The following SETMAR variants were observed in gnomAD, a reference collection of about 807,000 sequenced individuals.
The protein encoded by SETMAR is SET and mariner transposase domain methyltransferase, also known as histone-lysine N-methyltransferase SETMAR.
In SETMAR, 44 loss-of-function variants were observed where a neutral mutation model predicts 58.4. The ratio of observed to expected loss-of-function variants is 0.75; its 90% CI spans 0.59 to 0.97. SETMAR has a LOEUF of 0.97. Ranked by LOEUF, SETMAR falls within the 50% of genes least tolerant of loss-of-function variation. The probability of loss-of-function intolerance (pLI) is 0.00; values close to 1 mark genes in which losing one functional copy is unlikely to be tolerated. For synonymous variants in SETMAR, 332 were observed against 307.4 expected (o/e 1.08, Z -0.84); for missense variants, 903 against 840.2 (o/e 1.07, Z -0.92).
intron 1 of SETMAR, among the ~76,000 whole-genome samples, chr3:4,308,158 C>G (rs1698264840): frequency 6.6e-6 from 1 of 152,216 alleles, no homozygotes; most frequent in African/African-American, 2.4e-5. Context: ...CAGCTCTTAG[C>G]TTTTCTCCAC....
intron 2 of SETMAR, among the ~76,000 whole-genome samples, chr3:4,314,899 G>T (rs965686912): frequency 6.6e-6 from 1 of 152,134 alleles, no homozygotes; most frequent in Admixed American, 6.5e-5. Context: ...AGGAGGCCCT[G>T]CACTTTCAAC....
At chr3:4,307,670 C>G (rs1462706213) in intron 1 of SETMAR, among the ~76,000 whole-genome samples, 1 of 152,146 alleles carries the variant, frequency 6.6e-6, no homozygotes, top group Non-Finnish European at 1.5e-5. Context: ...ATTCCTAGCT[C>G]TTGCATGAGT....
intron 1 of SETMAR, 77 bp downstream of exon 1, chr3:4,303,603 A>C (rs1331904403): frequency 3.4e-5 from 47 of 1,373,254 alleles, no homozygotes; most frequent in Non-Finnish European, 4.2e-5. Flanking sequence ...CCTCGCTGGG[A>C]CGGCCTCCCA....
intron 1 of SETMAR, among the ~76,000 whole-genome samples, chr3:4,307,922 G>A (rs1670448040): frequency 1.3e-5 from 2 of 152,154 alleles, no homozygotes; most frequent in South Asian, 4.2e-4. Flanking sequence ...GGTGGTGCAT[G>A]CCTGTAGTCC....
intron 1 of SETMAR, among the ~76,000 whole-genome samples, chr3:4,308,865 G>C (rs1289244211): frequency 3.3e-5 from 5 of 152,202 alleles, no homozygotes; most frequent in African/African-American, 1.2e-4. Flanking sequence ...TATTTGAAGA[G>C]ATTTATTCTG....
In SETMAR at chr3:4,303,499, C is replaced by T; in HGVS notation, c.129C>T (p.Pro43=). The change falls in exon 1 of 3, where the codon CCC becomes CCT. Residue 43 remains proline (P), a synonymous_variant. Coordinates refer to ENST00000358065, the MANE Select transcript of SETMAR (RefSeq NM_006515.4). ...AAAACTTGCCGGTGGGCGCGTGGCCCCCGGGGGCCGCGCCGGCGCCCTTCC... is the reference window on the plus strand; with the variant it reads ...AAAACTTGCCGGTGGGCGCGTGGCCTCCGGGGGCCGCGCCGGCGCCCTTCC... ...GQENLPVGAW[P]PGAAPAPFQY... The T allele has an allele frequency of 1.4e-6, 2 of 1,463,170 alleles. No individual in the cohort carries two copies. Among genetic ancestry groups the T allele is most frequent in the South Asian group, 1.5e-5 (1 of 68,590 alleles). The allele number at this position is 1,463,170 out of a possible 1,614,324, so 90.6% of individuals were successfully genotyped here. A position where few individuals can be genotyped will look rare whatever the true frequency, so the allele number is the denominator to read the frequency against.
intron 1 of SETMAR, among the ~76,000 whole-genome samples, chr3:4,304,974 G>T (rs1218734053): frequency 6.6e-6 from 1 of 151,712 alleles, no homozygotes; most frequent in Non-Finnish European, 1.5e-5. Flanking sequence ...CAAAGTGGTG[G>T]GGGGGGCTTC....
In SETMAR at chr3:4,316,658, C is replaced by T. The variant is rs1429215598; in HGVS notation, c.1467C>T (p.Leu489=). ...TACGCAACCACAACGAACCATTTCTCGATCGGATTGTGACGTGTGATGAAA... is the reference window on the plus strand; with the variant it reads ...TACGCAACCACAACGAACCATTTCTTGATCGGATTGTGACGTGTGATGAAA... The part of the protein sequence containing the change: ...LILRNHNEPF[L]DRIVTCDEKW... Residue 489 remains leucine (L), a synonymous_variant, in exon 3 of 3, where the codon CTC becomes CTT. Coordinates refer to ENST00000358065, the MANE Select transcript of SETMAR (RefSeq NM_006515.4). 1.2e-5 allele frequency: 18 copies of T among 1,551,210 alleles called. No homozygotes were observed. The East Asian group carries it at 2.0e-4, about 17-fold the overall frequency.
intron 1 of SETMAR, among the ~76,000 whole-genome samples, chr3:4,305,331 C>T (rs1209310832): frequency 6.6e-6 from 1 of 152,166 alleles, no homozygotes; most frequent in African/African-American, 2.4e-5. Flanking sequence ...AGTGATCCAC[C>T]CACCTGGGCC....
chr3:4,315,841 G>T (rs188054961), intron 2 of SETMAR, among the ~76,000 whole-genome samples: 175 of 152,136 alleles, frequency 1.2e-3, no homozygotes, highest in South Asian at 2.3e-3. Context: ...GAGCTTGGGA[G>T]TTTGAGACCA....
intron 2 of SETMAR, 93 bp from the exon 3 acceptor site, chr3:4,316,119 C>A: frequency 1.4e-5 from 7 of 486,358 alleles, no homozygotes; most frequent in East Asian, 3.4e-5. Context: ...GGAATACATT[C>A]TTAAATGTGG....
chr3:4,316,473 A>G lies in SETMAR; in HGVS notation c.1282A>G (p.Thr428Ala), dbSNP rs1468255026. The G allele has an allele frequency of 1.2e-6, 2 of 1,604,302 alleles. No homozygotes were observed. Among genetic ancestry groups the G allele is most frequent in the Non-Finnish European group, 1.7e-6 (2 of 1,175,462 alleles). Residue 428 changes from threonine (T) to alanine (A), a missense_variant, in exon 3 of 3, where the codon ACT (threonine) becomes GCT (alanine). Physicochemically the swap from Thr to Ala is moderately conservative, Grantham distance 58. Coordinates refer to ENST00000358065, the MANE Select transcript of SETMAR (RefSeq NM_006515.4). The part of the protein sequence containing the change: ...RAIIEADPLT[T>A]TREVAEELNV... Reference sequence around the variant, plus strand: ...AATCATCGAAGCTGATCCCCTTACAACTACACGAGAAGTTGCTGAAGAACT... The same window carrying G: ...AATCATCGAAGCTGATCCCCTTACAGCTACACGAGAAGTTGCTGAAGAACT...
intron 1 of SETMAR, among the ~76,000 whole-genome samples, chr3:4,305,807 T>A (rs1698167934): frequency 6.6e-6 from 1 of 152,148 alleles, no homozygotes; most frequent in African/African-American, 2.4e-5. Flanking sequence ...AAATCAGAGT[T>A]TAGTCCTCAA....
intron 2 of SETMAR, among the ~76,000 whole-genome samples, chr3:4,315,635 A>T (rs1439563526): frequency 1.3e-5 from 2 of 152,220 alleles, no homozygotes; most frequent in Non-Finnish European, 2.9e-5. Flanking sequence ...TGTTTGCTTC[A>T]TTGCCATATT....
chr3:4,316,046 C>CAAAA (rs774059331), intron 2 of SETMAR, among the ~76,000 whole-genome samples, 166 bp from the exon 3 acceptor site: 3 of 76,882 alleles, frequency 3.9e-5, no homozygotes, highest in African/African-American at 4.4e-5. Flanking sequence ...GACTCTGTCT[C>CAAAA]AAAAAAAAAA....
intron 1 of SETMAR, 103 bp downstream of exon 1, chr3:4,303,629 C>G (rs896663473): frequency 7.2e-7 from 1 of 1,395,346 alleles, no homozygotes; most frequent in Non-Finnish European, 9.3e-7. Context: ...GACCTTTTGT[C>G]TTCTCTTACA....
At position 4,316,373 on chromosome 3, in the gene SETMAR, C is replaced by T. The variant is rs372856206; in HGVS notation, c.1182C>T (p.Cys394=). ...RTVQWWFKKF[C]KGDESLEDEE... ...TGCAGTGGTGGTTCAAGAAGTTTTG[C>T]AAAGGAGATGAGAGCCTTGAAGATG... Residue 394 remains cysteine, a synonymous_variant, in exon 3 of 3, where the codon TGC becomes TGT. Coordinates refer to ENST00000358065, the MANE Select transcript of SETMAR (RefSeq NM_006515.4). 1,628 of 1,549,916 alleles carry T rather than the reference C, an allele frequency of 1.1e-3. 1 individual carries two copies. The highest frequency in any genetic ancestry group is 1.1e-3 in the Admixed American group (58 of 52,172).
rs1204612138 is a variant in SETMAR, at chr3:4,313,651, C to A, written c.910C>A (p.Leu304Met). Residue 304 changes from leucine to methionine, a missense_variant, in exon 2 of 3, where the codon CTG becomes ATG. Coordinates refer to ENST00000358065, the MANE Select transcript of SETMAR (RefSeq NM_006515.4). ...CTAFLPFDSS[L>M]YCPVEKSNIS... ...TGCTTTCCTGCCTTTTGACAGTTCTCTGTACTGCCCCGTAGAAAAGTCGAA... is the reference window on the plus strand; with the variant it reads ...TGCTTTCCTGCCTTTTGACAGTTCTATGTACTGCCCCGTAGAAAAGTCGAA... The A allele has an allele frequency of 6.2e-7, 1 of 1,614,058 alleles. No individual in the cohort carries two copies. Among genetic ancestry groups the A allele is most frequent in the Non-Finnish European group, 8.5e-7 (1 of 1,179,968 alleles).
intron 1 of SETMAR, chr3:4,304,147 C>T (rs1445797280): frequency 6.0e-6 from 1 of 167,732 alleles, no homozygotes; most frequent in Non-Finnish European, 1.4e-5. Context: ...TTTCTACTCT[C>T]CTTTTTCTTT....
Sources: allele counts gnomAD v4.1 joint callset (sites outside exome capture counted in the v4.1 genomes callset), GRCh38; gene constraint gnomAD v4.1.1; transcripts MANE v1.5; gene names NCBI Gene and HGNC (gene_info 2026-07-23, HGNC 2026-07-21).